SULT1A3: variants seen among roughly 807,000 people sequenced by gnomAD.
SULT1A3 encodes the protein sulfotransferase 1A3.
For missense variants in SULT1A3, 11 were observed against 62.7 expected, an observed-to-expected ratio of 0.18 and a Z score of 2.78; for synonymous variants, 4 against 29.3, an observed-to-expected ratio of 0.14 and a Z score of 2.79.
chr16:30,201,414 T>C (rs1348197214), intron 4 of SULT1A3, 121 bp downstream of exon 4: 2 of 132,970 alleles, frequency 1.5e-5, no homozygotes, highest in African/African-American at 5.3e-5. Context: ...TGACATCCCA[T>C]CTCTACAAAA....
intron 4 of SULT1A3, among the ~76,000 whole-genome samples, chr16:30,201,609 G>A (rs1377933778): frequency 2.6e-5 from 4 of 152,074 alleles, no homozygotes; most frequent in Non-Finnish European, 5.9e-5. Flanking sequence ...GACTGGCAAG[G>A]AAAGCCAGGA....
At position 30,200,791 on chromosome 16, in the gene SULT1A3, CAAG is replaced by C. The variant is rs1330758268; in HGVS notation, c.64_66del (p.Lys22del). On this transcript the variant is annotated inframe_deletion, in exon 2 of 8. Transcript: ENST00000338971. ...AGTACGTGAAGGGGGTCCCGCTCAT[CAAG>C]TACTTTGCAGAGGCACTGGGGCCCC... 28 of 1,180,112 alleles carry C rather than the reference CAAG, an allele frequency of 2.4e-5. No individual in the cohort carries two copies. In the African/African-American group the frequency reaches 1.1e-3, roughly 47 times the overall value. 73.1% of individuals were successfully genotyped at this position (1,180,112 alleles called of 1,614,324 possible). A position where few individuals can be genotyped will look rare whatever the true frequency, so the allele number is the denominator to read the frequency against.
chr16:30,201,542 G>A (rs1381152226), intron 4 of SULT1A3, among the ~76,000 whole-genome samples: 1 of 151,718 alleles, frequency 6.6e-6, no homozygotes, highest in Non-Finnish European at 1.5e-5. Context: ...TCCTGCTGCT[G>A]CACTCCAGCC....
In SULT1A3 at chr16:30,204,156, A is replaced by G. The variant is rs1210252990; in HGVS notation, c.*236A>G. 2 of 143,460 alleles carry G rather than the reference A, an allele frequency of 1.4e-5. No homozygotes were observed. The highest frequency in any genetic ancestry group is 1.4e-4 in the Admixed American group (2 of 14,450). The allele number at this position is 143,460 out of a possible 1,614,324, so 8.9% of individuals were successfully genotyped here. On this transcript the variant is annotated 3_prime_UTR_variant, in exon 8 of 8. Coordinates refer to ENST00000338971, the MANE Select transcript of SULT1A3 (RefSeq NM_177552.4). Reference sequence around the variant, plus strand: ...AAATTAGCCACATGTGCTGGCACTTACCTGTAGTCCCAGCTACTTGGGAAG... The same window carrying G: ...AAATTAGCCACATGTGCTGGCACTTGCCTGTAGTCCCAGCTACTTGGGAAG...
At position 30,203,803 on chromosome 16, in the gene SULT1A3, C is replaced by T; in HGVS notation, c.776-5C>T. On this transcript the variant is annotated splice_polypyrimidine_tract_variant and splice_region_variant and intron_variant, in intron 7 of 7. Coordinates refer to ENST00000338971, the MANE Select transcript of SULT1A3 (RefSeq NM_177552.4). ...CCAGCTTTGCTCCCTGCCTTCCTCC[C>T]CCAGGCATGGCTGGGGACTGGAAGA... The T allele has an allele frequency of 5.2e-6, 1 of 190,798 alleles. No individual in the cohort carries two copies. The highest frequency in any genetic ancestry group is 9.2e-6 in the Non-Finnish European group (1 of 108,742). The allele number at this position is 190,798 out of a possible 1,614,324, so 11.8% of individuals were successfully genotyped here.
At position 30,200,990 on chromosome 16, in the gene SULT1A3, G is replaced by C. The variant is rs2073439089; in HGVS notation, c.158G>C (p.Trp53Ser). 1 of 327,154 alleles carries C rather than the reference G, an allele frequency of 3.1e-6. No individual in the cohort carries two copies. Among genetic ancestry groups the C allele is most frequent in the Non-Finnish European group, 5.0e-6 (1 of 198,024 alleles). 20.3% of individuals were successfully genotyped at this position (327,154 alleles called of 1,614,324 possible). The part of the protein sequence containing the change: ...INTYPKSGTT[W>S]VSQILDMIYQ... ...CTCCCTCCCTCTCCAGGCACCACCT[G>C]GGTGAGCCAGATACTGGACATGATC... is the stretch of plus-strand genomic sequence containing the variant. Residue 53 changes from tryptophan to serine, a missense_variant, in exon 3 of 8, where the codon TGG becomes TCG. Transcript: ENST00000338971.
rs2073439590 is a variant in SULT1A3, at chr16:30,201,035, A to C, written c.203A>C (p.Glu68Ala). ...LDMIYQGGDL[E>A]KCNRAPIYVR... is the part of the protein sequence containing the mutation. Reference sequence around the variant, plus strand: ...ATGATCTACCAGGGCGGCGACCTAGAGAAGTGTAACCGGGCTCCCATCTAC... The same window carrying C: ...ATGATCTACCAGGGCGGCGACCTAGCGAAGTGTAACCGGGCTCCCATCTAC... Residue 68 changes from glutamate (E) to alanine (A), a missense_variant, in exon 3 of 8, where the codon GAG (glutamate) becomes GCG (alanine). Physicochemically the swap from Glu to Ala is moderately radical, Grantham distance 107. Coordinates refer to ENST00000338971, the MANE Select transcript of SULT1A3 (RefSeq NM_177552.4). 1.0e-5 allele frequency: 3 copies of C among 296,466 alleles called. No homozygotes were observed. In the East Asian group the frequency reaches 2.0e-4, roughly 20 times the overall value. 18.4% of individuals were successfully genotyped at this position (296,466 alleles called of 1,614,324 possible). A position where few individuals can be genotyped will look rare whatever the true frequency, so the allele number is the denominator to read the frequency against.
At chr16:30,200,541 G>C (rs2073433127) in intron 1 of SULT1A3, 184 bp from the exon 2 acceptor site, 2 of 217,560 alleles carry the variant, frequency 9.2e-6, no homozygotes, top group South Asian at 1.1e-4. Context: ...GGATGCCGAG[G>C]CGGGAGGATT....
At chr16:30,201,698 CTTT>C (rs140113532) in intron 4 of SULT1A3, among the ~76,000 whole-genome samples, 1 of 116,058 alleles carries the variant, frequency 8.6e-6, no homozygotes, top group African/African-American at 3.1e-5. Flanking sequence ...CTCATCACAT[CTTT>C]TTTTTTTTTT....
At position 30,204,153 on chromosome 16, in the gene SULT1A3, C is replaced by CT. The variant is rs1268182475; in HGVS notation, c.*235dup. The stretch of plus-strand genomic sequence containing the variant: ...AAAAAATTAGCCACATGTGCTGGCA[C>CT]TTACCTGTAGTCCCAGCTACTTGGG... On this transcript the variant is annotated 3_prime_UTR_variant, in exon 8 of 8. Coordinates refer to ENST00000338971, the MANE Select transcript of SULT1A3 (RefSeq NM_177552.4). The CT allele has an allele frequency of 2.9e-5, 4 of 138,890 alleles. No homozygotes were observed. The highest frequency in any genetic ancestry group is 6.4e-5 in the Non-Finnish European group (4 of 62,544). 8.6% of individuals were successfully genotyped at this position (138,890 alleles called of 1,614,324 possible). A position where few individuals can be genotyped will look rare whatever the true frequency, so the allele number is the denominator to read the frequency against.
At chr16:30,201,791 TC>T (rs1253756395) in intron 4 of SULT1A3, among the ~76,000 whole-genome samples, 1 of 132,462 alleles carries the variant, frequency 7.5e-6, no homozygotes, top group Non-Finnish European at 1.7e-5. Flanking sequence ...CCTCCCCAGT[TC>T]AAGTGATTCT....
chr16:30,201,462 C>T (rs2073442750), intron 4 of SULT1A3, among the ~76,000 whole-genome samples, 169 bp downstream of exon 4: 1 of 143,664 alleles, frequency 7.0e-6, no homozygotes, highest in African/African-American at 2.5e-5. Context: ...ATAGACTGTT[C>T]CCAGTTACTT....
intron 4 of SULT1A3, 87 bp downstream of exon 4, chr16:30,201,380 G>T (rs2073442175): frequency 1.5e-5 from 2 of 136,886 alleles, no homozygotes; most frequent in African/African-American, 5.3e-5. Context: ...ATGGAGACCA[G>T]CCTGGGCAAC....
chr16:30,203,970 C>A lies in SULT1A3; in HGVS notation c.*50C>A, dbSNP rs2073452166. 4.4e-6 allele frequency: 1 copy of A among 229,810 alleles called. No individual in the cohort carries two copies. Among genetic ancestry groups the A allele is most frequent in the African/African-American group, 3.1e-5 (1 of 32,432 alleles). 14.2% of individuals were successfully genotyped at this position (229,810 alleles called of 1,614,324 possible). ...AGGGAGTGTGCGAATCTACCCTGAC[C>A]AATGGGCTCAAGAATAAAGTATGAT... On this transcript the variant is annotated 3_prime_UTR_variant, in exon 8 of 8. Transcript: ENST00000338971.
At position 30,204,158 on chromosome 16, in the gene SULT1A3, C is replaced by T. The variant is rs1311547264; in HGVS notation, c.*238C>T. 5 of 168,616 alleles carry T rather than the reference C, an allele frequency of 3.0e-5. No homozygotes were observed. Among genetic ancestry groups the T allele is most frequent in the Admixed American group, 1.2e-4 (2 of 17,210 alleles). 10.4% of individuals were successfully genotyped at this position (168,616 alleles called of 1,614,324 possible). On this transcript the variant is annotated 3_prime_UTR_variant, in exon 8 of 8. Coordinates refer to ENST00000338971, the MANE Select transcript of SULT1A3 (RefSeq NM_177552.4). ...ATTAGCCACATGTGCTGGCACTTAC[C>T]TGTAGTCCCAGCTACTTGGGAAGCA...
At position 30,201,301 on chromosome 16, in the gene SULT1A3, C is replaced by A; in HGVS notation, c.372+8C>A. ...TTGGATCAGAAGGTCAAGGTGAGGC[C>A]GGGCTCAATGGTTCACACCTGTCAT... On this transcript the variant is annotated splice_region_variant and intron_variant, in intron 4 of 7. Coordinates refer to ENST00000338971, the MANE Select transcript of SULT1A3 (RefSeq NM_177552.4). The A allele has an allele frequency of 2.6e-6, 1 of 388,812 alleles. No homozygotes were observed. Among genetic ancestry groups the A allele is most frequent in the Non-Finnish European group, 4.6e-6 (1 of 218,854 alleles). The allele number at this position is 388,812 out of a possible 1,614,324, so 24.1% of individuals were successfully genotyped here.
intron 4 of SULT1A3, among the ~76,000 whole-genome samples, chr16:30,201,807 C>T (rs1280876677): frequency 7.5e-6 from 1 of 133,094 alleles, no homozygotes; most frequent in African/African-American, 2.6e-5. Flanking sequence ...GATTCTCCTG[C>T]CTCAGCCTCC....
Position 30,201,030 on chromosome 16 carries a change from C to A in SULT1A3, c.198C>A (p.Asp66Glu). The change falls in exon 3 of 8, where the codon GAC (aspartate) becomes GAA (glutamate). Residue 66 changes from aspartate to glutamate, a missense_variant. By Grantham distance (45) the Asp-to-Glu change is conservative. Transcript: ENST00000338971. The part of the protein sequence containing the change: ...QILDMIYQGG[D>E]LEKCNRAPIY... ...TGGACATGATCTACCAGGGCGGCGA[C>A]CTAGAGAAGTGTAACCGGGCTCCCA... The A allele has an allele frequency of 3.4e-6, 1 of 297,386 alleles. No individual in the cohort carries two copies. The highest frequency in any genetic ancestry group is 5.6e-6 in the Non-Finnish European group (1 of 179,772). The allele number at this position is 297,386 out of a possible 1,614,324, so 18.4% of individuals were successfully genotyped here. A position where few individuals can be genotyped will look rare whatever the true frequency, so the allele number is the denominator to read the frequency against.
chr16:30,200,935 G>A, intron 2 of SULT1A3, 46 bp from the exon 3 acceptor site: 3 of 394,926 alleles, frequency 7.6e-6, no homozygotes, highest in South Asian at 7.2e-5. Context: ...TGGTCAGCAA[G>A]GTCGTGCCCT....
Sources: allele counts gnomAD v4.1 joint callset (sites outside exome capture counted in the v4.1 genomes callset), GRCh38; gene constraint gnomAD v4.1.1; transcripts MANE v1.5; gene names NCBI Gene and HGNC (gene_info 2026-07-23, HGNC 2026-07-21).